The following PDE8B variants were observed in gnomAD, a reference collection of about 807,000 sequenced individuals.
PDE8B encodes the protein high affinity cAMP-specific and IBMX-insensitive 3',5'-cyclic phosphodiesterase 8B.
Under a neutral mutation model 101.3 loss-of-function variants are expected in PDE8B, and 26 were observed. That is an observed-to-expected ratio of 0.26 (90% CI 0.19 to 0.36). The LOEUF (loss-of-function observed/expected upper bound fraction) is 0.36. Ranked by LOEUF, PDE8B falls within the 10% of genes least tolerant of loss-of-function variation. The pLI, the probability that PDE8B is intolerant of heterozygous loss-of-function variation, is 1.00. For synonymous variants in PDE8B, 424 were observed against 429.3 expected (o/e 0.99, Z 0.15); for missense variants, 810 against 1,163.1 (o/e 0.70, Z 4.42).
intron 13 of PDE8B, among the ~76,000 whole-genome samples, chr5:77,407,724 G>T (rs972433046): frequency 1.1e-4 from 16 of 152,168 alleles, no homozygotes; most frequent in Non-Finnish European, 4.4e-5. Flanking sequence ...AGTCATGTTT[G>T]AAGCAAGTCT....
At chr5:77,184,423 G>T in the PDE8B span, among the ~76,000 whole-genome samples, 1 of 152,136 alleles carries the variant, frequency 6.6e-6, no homozygotes, top group East Asian at 1.9e-4. Flanking sequence ...ACTATGGATG[G>T]TAGGACTTGT....
At chr5:77,418,027 TGC>T (rs1795924406) in intron 17 of PDE8B, among the ~76,000 whole-genome samples, 200 bp from the exon 18 acceptor site, 1 of 152,212 alleles carries the variant, frequency 6.6e-6, no homozygotes, top group Non-Finnish European at 1.5e-5. Context: ...TGGCTCAGGT[TGC>T]CCTCCAGATA....
At chr5:77,275,063 TCA>T (rs1183067359) in intron 1 of PDE8B, among the ~76,000 whole-genome samples, 3 of 151,982 alleles carry the variant, frequency 2.0e-5, no homozygotes, top group African/African-American at 7.2e-5. Context: ...CCACATAGTA[TCA>T]CACACACACA....
At chr5:77,386,134 C>A (rs1788559551) in intron 10 of PDE8B, among the ~76,000 whole-genome samples, 1 of 152,146 alleles carries the variant, frequency 6.6e-6, no homozygotes, top group Non-Finnish European at 1.5e-5. Flanking sequence ...GCACTGTGGT[C>A]TGAGAGACTG....
the PDE8B span, among the ~76,000 whole-genome samples, chr5:77,116,222 A>ATT: frequency 1.3e-3 from 120 of 92,762 alleles, 2 homozygotes; most frequent in African/African-American, 3.5e-3. Context: ...ATATATATAT[A>ATT]TATTTTTTTT....
chr5:77,375,896 T>TTTTC (rs1335150119), intron 10 of PDE8B, among the ~76,000 whole-genome samples: 2 of 143,812 alleles, frequency 1.4e-5, no homozygotes, highest in East Asian at 4.0e-4. Context: ...TTTCTTTTTT[T>TTTTC]TTTTTTTTTT....
intron 1 of PDE8B, among the ~76,000 whole-genome samples, chr5:77,273,693 G>A (rs1468284535): frequency 1.3e-5 from 2 of 151,998 alleles, no homozygotes; most frequent in East Asian, 3.8e-4. Flanking sequence ...TTGACAGGAA[G>A]AAATAGGGCA....
chr5:77,408,928 C>A lies in PDE8B; in HGVS notation c.1401C>A (p.Ser467Arg). 1 of 1,613,154 alleles carries A rather than the reference C, an allele frequency of 6.2e-7. No homozygotes were observed. Among genetic ancestry groups the A allele is most frequent in the Non-Finnish European group, 8.5e-7 (1 of 1,179,126 alleles). ...TAATCAATGCAGCCCAAGAAAACAG[C>A]CCAGTCACAGTAGCGGAAGCCTTGG... Reference protein sequence around the residue: ...INIINAAQENSPVTVAEALDR... With the variant: ...INIINAAQENRPVTVAEALDR... The change falls in exon 14 of 22, where the codon AGC becomes AGA. Residue 467 changes from serine to arginine, a missense_variant. Physicochemically the swap from Ser to Arg is moderately radical, Grantham distance 110. This residue lies in a region of PDE8B where 325 missense variants were observed against 560.9 expected (regional missense o/e 0.58). Transcript: ENST00000264917.
chr5:77,328,037 C>T (rs1192250910), intron 3 of PDE8B, among the ~76,000 whole-genome samples: 1 of 152,182 alleles, frequency 6.6e-6, no homozygotes, highest in Non-Finnish European at 1.5e-5. Flanking sequence ...GAAATGCCCA[C>T]AGCCAGAGAG....
chr5:77,313,970 A>G (rs1158903241), intron 2 of PDE8B, among the ~76,000 whole-genome samples: 2 of 152,216 alleles, frequency 1.3e-5, no homozygotes, highest in Non-Finnish European at 2.9e-5. Flanking sequence ...TGTCATATCT[A>G]AGAATTCATT....
At chr5:77,336,182 AAAT>A (rs1034610649) in intron 5 of PDE8B, among the ~76,000 whole-genome samples, 1 of 152,178 alleles carries the variant, frequency 6.6e-6, no homozygotes, top group African/African-American at 2.4e-5. Context: ...GTTTATTTAT[AAAT>A]ACATGAAAGC....
intron 1 of PDE8B, among the ~76,000 whole-genome samples, chr5:77,281,731 C>G (rs1580769936): frequency 6.6e-6 from 1 of 152,196 alleles, no homozygotes; most frequent in East Asian, 1.9e-4. Flanking sequence ...TTTTGCCCTG[C>G]AAGGTGGCAT....
At chr5:77,177,205 C>A in the PDE8B span, among the ~76,000 whole-genome samples, 3 of 152,104 alleles carry the variant, frequency 2.0e-5, no homozygotes, top group African/African-American at 4.8e-5. Context: ...GGAAAAAAAA[C>A]CATGTTTAAA....
At chr5:77,292,841 A>G (rs1767677154) in intron 1 of PDE8B, among the ~76,000 whole-genome samples, 1 of 152,074 alleles carries the variant, frequency 6.6e-6, no homozygotes, top group Non-Finnish European at 1.5e-5. Context: ...ATGCTTTTTA[A>G]TATGTTTTTC....
At chr5:77,425,564 A>G (rs574022224) in intron 20 of PDE8B, among the ~76,000 whole-genome samples, 1 of 152,274 alleles carries the variant, frequency 6.6e-6, no homozygotes, top group African/African-American at 2.4e-5. Context: ...AAAACAAAAA[A>G]AGAGGCTTGA....
intron 1 of PDE8B, among the ~76,000 whole-genome samples, chr5:77,252,897 C>G (rs963204037): frequency 6.6e-6 from 1 of 152,140 alleles, no homozygotes; most frequent in Non-Finnish European, 1.5e-5. Context: ...TATTTCGACC[C>G]TTCCATTGAG....
At chr5:77,127,346 T>G in the PDE8B span, among the ~76,000 whole-genome samples, 1 of 152,136 alleles carries the variant, frequency 6.6e-6, no homozygotes, top group South Asian at 2.1e-4. Context: ...TTTATAAGCA[T>G]CCAGCATTTC....
At chr5:77,106,111 C>G in the PDE8B span, 9 of 152,150 alleles carry the variant, frequency 5.9e-5, no homozygotes, top group African/African-American at 2.2e-4. Flanking sequence ...TTTTCCCATT[C>G]TGTGGTTTCT....
At chr5:77,222,836 A>G (rs897105718) in intron 1 of PDE8B, among the ~76,000 whole-genome samples, 14 of 152,236 alleles carry the variant, frequency 9.2e-5, no homozygotes, top group African/African-American at 3.4e-4. Flanking sequence ...GGCCACAGGC[A>G]GGGGCCAGAG....
Sources: gnomAD v4.1 joint callset for allele counts (sites outside exome capture counted in the v4.1 genomes callset) on GRCh38, gnomAD v4.1.1 for gene constraint, gnomAD v4.1.1 regional missense constraint, MANE v1.5 for transcripts, NCBI Gene and HGNC (gene_info 2026-07-23, HGNC 2026-07-21) for gene names.